The following RAD9B variants were observed in gnomAD, a reference collection of about 807,000 sequenced individuals.
RAD9B encodes the protein cell cycle checkpoint control protein RAD9B.
In RAD9B, 41 loss-of-function variants were observed where a neutral mutation model predicts 48.3. The ratio of observed to expected loss-of-function variants is 0.85; its 90% CI spans 0.66 to 1.10. The LOEUF (loss-of-function observed/expected upper bound fraction) is 1.10, where lower values mean the gene tolerates loss of function less well. Ranked by LOEUF, RAD9B falls within the 50% of genes least tolerant of loss-of-function variation. RAD9B has a pLI of 0.00. For missense variants in RAD9B, 444 were observed against 485.1 expected (o/e 0.92, Z 0.80); for synonymous variants, 160 against 157.9 (o/e 1.01, Z -0.10).
At chr12:110,525,412 C>T (rs2063906092) in intron 10 of RAD9B, among the ~76,000 whole-genome samples, 1 of 152,168 alleles carries the variant, frequency 6.6e-6, no homozygotes, top group Non-Finnish European at 1.5e-5. Context: ...AGGTATGAGC[C>T]ACTGCACCCA....
chr12:110,526,959 A>AG (rs2063964750), intron 10 of RAD9B, among the ~76,000 whole-genome samples: 1 of 152,102 alleles, frequency 6.6e-6, no homozygotes, highest in Non-Finnish European at 1.5e-5. Context: ...TGGCCAGATC[A>AG]GTATGTTAGT....
At chr12:110,520,628 C>CTTTTTTTTTTTTTTTTTTTTTTTTTTT (rs71083129) in intron 9 of RAD9B, among the ~76,000 whole-genome samples, 106 of 99,932 alleles carry the variant, frequency 1.1e-3, no homozygotes, top group Non-Finnish European at 1.2e-3. Context: ...TTCTTGCTTT[C>CTTTTTTTTTTTTTTTTTTTTTTTTTTT]TTTTTTTTTT....
chr12:110,518,204 A>C lies in RAD9B; in HGVS notation c.596-472A>C, dbSNP rs559958680. On this transcript the variant is annotated intron_variant, in intron 6 of 10. Coordinates refer to ENST00000409300, the MANE Select transcript of RAD9B (RefSeq NM_001286535.2). The stretch of plus-strand genomic sequence containing the variant: ...AGACTCCGTCTCAAAAGAAAAAAAA[A>C]AAAAGTTAAAAATGTGCATGTAAGT... Among the ~76,000 whole-genome samples the C allele has an allele frequency of 7.0e-3, 1,034 of 148,536 alleles. 2 individuals are homozygous for C. The highest frequency in any genetic ancestry group is 9.5e-3 in the Non-Finnish European group (633 of 66,768).
chr12:110,515,189 G>T (rs1565888590), intron 6 of RAD9B, 33 bp downstream of exon 6: 2 of 1,086,974 alleles, frequency 1.8e-6, no homozygotes, highest in Non-Finnish European at 2.7e-6. Flanking sequence ...TGTTTTGATG[G>T]GTTATTACTT....
In RAD9B at chr12:110,503,858, A is replaced by T. The variant is rs577827383; in HGVS notation, c.99A>T (p.Leu33=). 6.3e-7 allele frequency: 1 copy of T among 1,575,108 alleles called. No individual in the cohort carries two copies. The highest frequency in any genetic ancestry group is 1.2e-5 in the South Asian group (1 of 85,140). The part of the protein sequence containing the change: ...ALSRISDEFW[L]DPSKKGLALR... ...CACGAATTAGTGACGAGTTCTGGCT[A>T]GACCCATCTAAAAAAGGTGTAAGTA... Residue 33 remains leucine (L), a synonymous_variant, in exon 2 of 11, where the codon CTA becomes CTT. Transcript: ENST00000409300.
At chr12:110,528,897 T>C (rs1377874971) in intron 10 of RAD9B, among the ~76,000 whole-genome samples, 1 of 151,910 alleles carries the variant, frequency 6.6e-6, no homozygotes, top group Non-Finnish European at 1.5e-5. Context: ...CCAGCTAATT[T>C]TTTGTATTTT....
At chr12:110,521,395 C>G (rs1047030236) in intron 9 of RAD9B, among the ~76,000 whole-genome samples, 1 of 152,048 alleles carries the variant, frequency 6.6e-6, no homozygotes, top group African/African-American at 2.4e-5. Context: ...CTCAAGCAGT[C>G]TACCTGCCTC....
In RAD9B at chr12:110,505,786, G is replaced by C; in HGVS notation, c.273+14G>C. On this transcript the variant is annotated intron_variant, in intron 3 of 10. Transcript: ENST00000409300. ...TTGGGAATGAAGGTAAATATAAGTG[G>C]CCCTGGTTTTCTCTTATTCTGTAGA... is the stretch of plus-strand genomic sequence containing the variant. 1 of 1,606,978 alleles carries C rather than the reference G, an allele frequency of 6.2e-7. No homozygotes were observed. The highest frequency in any genetic ancestry group is 1.3e-5 in the African/African-American group (1 of 74,848).
chr12:110,504,274 G>C (rs937298654), intron 2 of RAD9B, among the ~76,000 whole-genome samples: 12 of 151,834 alleles, frequency 7.9e-5, no homozygotes, highest in African/African-American at 2.9e-4. Flanking sequence ...TTCGAGACTA[G>C]CCTGGTCCAC....
At chr12:110,521,991 T>C (rs946107543) in intron 9 of RAD9B, among the ~76,000 whole-genome samples, 186 bp from the exon 10 acceptor site, 1 of 152,182 alleles carries the variant, frequency 6.6e-6, no homozygotes, top group African/African-American at 2.4e-5. Flanking sequence ...TACTGAAAGA[T>C]TGTCTGTCAA....
intron 4 of RAD9B, among the ~76,000 whole-genome samples, chr12:110,508,801 T>C (rs1308979717): frequency 2.6e-5 from 4 of 152,022 alleles, no homozygotes; most frequent in Admixed American, 6.6e-5. Flanking sequence ...TTTCTTTTTT[T>C]TGAAACAAAG....
chr12:110,517,634 T>A (rs573825594), intron 6 of RAD9B, among the ~76,000 whole-genome samples: 46 of 149,912 alleles, frequency 3.1e-4, no homozygotes, highest in Non-Finnish European at 4.8e-4. Context: ...AAAAAAAAAA[T>A]AATAAAAACA....
At chr12:110,520,947 CT>C (rs983803846) in intron 9 of RAD9B, among the ~76,000 whole-genome samples, 4 of 151,662 alleles carry the variant, frequency 2.6e-5, no homozygotes, top group Admixed American at 6.6e-5. Context: ...CTGCGCCTGG[CT>C]TTTTTTTCTT....
Position 110,506,666 on chromosome 12 carries a change from G to A in RAD9B, c.361G>A (p.Val121Ile), listed in dbSNP as rs2063281433. The A allele has an allele frequency of 6.3e-7, 1 of 1,575,782 alleles. No homozygotes were observed. Among genetic ancestry groups the A allele is most frequent in the Non-Finnish European group, 8.7e-7 (1 of 1,146,220 alleles). ...ATTCACCAGATCTGATAAATGCAAA[G>A]TAGTTATTCAATTCTTCTACAGACA... ...RIFTRSDKCK[V>I]VIQFFYRHGI... The change falls in exon 4 of 11, where the codon GTA (valine) becomes ATA (isoleucine). Residue 121 changes from valine (V) to isoleucine (I), a missense_variant. Coordinates refer to ENST00000409300, the MANE Select transcript of RAD9B (RefSeq NM_001286535.2).
In RAD9B at chr12:110,531,734, C is replaced by A. The variant is rs2064145505; in HGVS notation, c.*1081C>A. The A allele has an allele frequency of 9.1e-7, 1 of 1,102,708 alleles. No homozygotes were observed. The highest frequency in any genetic ancestry group is 2.5e-5 in the East Asian group (1 of 40,052). 68.3% of individuals were successfully genotyped at this position (1,102,708 alleles called of 1,614,324 possible). A position where few individuals can be genotyped will look rare whatever the true frequency, so the allele number is the denominator to read the frequency against. ...GGCCCTTTAAGAGTTAGCTTTTTAC[C>A]TGCACAAATGGACTAAAAAATCTGG... On this transcript the variant is annotated 3_prime_UTR_variant, in exon 11 of 11. Transcript: ENST00000409300.
chr12:110,521,395 C>A (rs1047030236), intron 9 of RAD9B, among the ~76,000 whole-genome samples: 2 of 152,048 alleles, frequency 1.3e-5, no homozygotes, highest in African/African-American at 4.8e-5. Context: ...CTCAAGCAGT[C>A]TACCTGCCTC....
intron 3 of RAD9B, 63 bp downstream of exon 3, chr12:110,505,835 C>A (rs1428680436): frequency 2.3e-6 from 3 of 1,298,666 alleles, no homozygotes; most frequent in African/African-American, 1.5e-5. Context: ...TAGGACATAA[C>A]CTGTATTCTA....
chr12:110,506,530 T>C (rs372971356), intron 3 of RAD9B, 49 bp from the exon 4 acceptor site: 3 of 958,164 alleles, frequency 3.1e-6, no homozygotes, highest in Non-Finnish European at 5.1e-6. Flanking sequence ...GTTTCTAAAA[T>C]GAATCAACCA....
At chr12:110,530,056 T>C (rs2064082376) in intron 10 of RAD9B, among the ~76,000 whole-genome samples, 1 of 152,168 alleles carries the variant, frequency 6.6e-6, no homozygotes, top group Non-Finnish European at 1.5e-5. Context: ...TTTTGTTTAA[T>C]TTTTTGAGAT....
Sources: gnomAD v4.1 joint callset for allele counts (sites outside exome capture counted in the v4.1 genomes callset) on GRCh38, gnomAD v4.1.1 for gene constraint, MANE v1.5 for transcripts, NCBI Gene and HGNC (gene_info 2026-07-23, HGNC 2026-07-21) for gene names.